Variants in MACROD2 observed in about 807,000 individuals in gnomAD.
The protein encoded by MACROD2 is ADP-ribose glycohydrolase MACROD2.
Under a neutral mutation model 70.4 loss-of-function variants are expected in MACROD2, and 36 were observed. The observed-to-expected ratio is 0.51, with a 90% confidence interval of 0.39 to 0.68. MACROD2 has a LOEUF of 0.68. Ranked by LOEUF, MACROD2 falls within the 30% of genes least tolerant of loss-of-function variation. The probability of loss-of-function intolerance (pLI) is 0.00; values close to 1 mark genes in which losing one functional copy is unlikely to be tolerated. For missense variants in MACROD2, 496 were observed against 538.4 expected (o/e 0.92, Z 0.78); for synonymous variants, 172 against 178.8 (o/e 0.96, Z 0.30).
At chr20:16,038,710 C>A (rs1249675958) in intron 15 of MACROD2, among the ~76,000 whole-genome samples, 1 of 151,912 alleles carries the variant, frequency 6.6e-6, no homozygotes, top group African/African-American at 2.4e-5. Context: ...TATGTCATCT[C>A]TTTTATTCTC....
intron 5 of MACROD2, among the ~76,000 whole-genome samples, chr20:14,981,452 A>ATATGTG (rs1483652688): frequency 7.1e-6 from 1 of 140,176 alleles, no homozygotes; most frequent in African/African-American, 2.6e-5. Context: ...ATATATATAT[A>ATATGTG]TGTGTGTGTG....
In MACROD2 at chr20:15,704,140, GTTTA is replaced by G. The variant is rs145830062; in HGVS notation, c.646-158580_646-158577del. ...GTTTTCCTATTTGAAATGTTTGTTT[GTTTA>G]TTTATTTATTTATTTATTTATTTAA... On this transcript the variant is annotated intron_variant, in intron 8 of 17. Coordinates refer to ENST00000684519, the MANE Select transcript of MACROD2 (RefSeq NM_001351661.2). Among the ~76,000 whole-genome samples the G allele has an allele frequency of 6.9e-3, 1,050 of 151,098 alleles. 7 individuals are homozygous for G. Among genetic ancestry groups the G allele is most frequent in the African/African-American group, 0.02 (820 of 40,980 alleles).
intron 3 of MACROD2, among the ~76,000 whole-genome samples, chr20:14,126,513 G>A (rs1216438418): frequency 1.3e-5 from 2 of 152,060 alleles, no homozygotes; most frequent in African/African-American, 2.4e-5. Flanking sequence ...GTGTGGGTGT[G>A]TGTTTGTTAA....
rs76792590 is a variant in MACROD2 at position 15,357,317 on chromosome 20, A to G, written c.541-74088A>G. On this transcript the variant is annotated intron_variant, in intron 6 of 17. Transcript: ENST00000684519. The stretch of plus-strand genomic sequence containing the variant: ...CTATTTGCTTGACTGTATGCTATAA[A>G]TACAATTAAAAGTTTGTCTTAAAAT... Among the ~76,000 whole-genome samples, 46 of 152,300 alleles carry G rather than the reference A, an allele frequency of 3.0e-4. No homozygotes were observed. The East Asian group carries it at 8.5e-3, about 28-fold the overall frequency.
At chr20:14,350,587 C>A (rs1211869794) in intron 3 of MACROD2, among the ~76,000 whole-genome samples, 1 of 152,048 alleles carries the variant, frequency 6.6e-6, no homozygotes, top group African/African-American at 2.4e-5. Flanking sequence ...ACTATTTTGT[C>A]CATTTTTTGA....
At chr20:15,594,239 C>CT (rs1188241277) in intron 8 of MACROD2, among the ~76,000 whole-genome samples, 1 of 151,654 alleles carries the variant, frequency 6.6e-6, no homozygotes, top group East Asian at 1.9e-4. Flanking sequence ...TTCCTTTTTT[C>CT]TTTTTTCCCT....
At chr20:14,359,821 G>A (rs2083205214) in intron 3 of MACROD2, among the ~76,000 whole-genome samples, 1 of 151,942 alleles carries the variant, frequency 6.6e-6, no homozygotes, top group South Asian at 2.1e-4. Context: ...GAGATTGCAC[G>A]ACTGCACTCC....
At chr20:15,195,805 C>G (rs996516752) in intron 5 of MACROD2, among the ~76,000 whole-genome samples, 6 of 152,110 alleles carry the variant, frequency 3.9e-5, no homozygotes, top group Non-Finnish European at 1.5e-5. Flanking sequence ...TCACTATTCA[C>G]AACAGCAAAG....
chr20:14,008,717 T>C (rs980246237), intron 2 of MACROD2, among the ~76,000 whole-genome samples: 16 of 152,122 alleles, frequency 1.1e-4, no homozygotes, highest in African/African-American at 3.4e-4. Context: ...GACTTCAAAC[T>C]ATACTACAAG....
intron 4 of MACROD2, among the ~76,000 whole-genome samples, chr20:14,582,836 G>T (rs1216736111): frequency 6.6e-6 from 1 of 152,068 alleles, no homozygotes; most frequent in Non-Finnish European, 1.5e-5. Flanking sequence ...GACATTGTTT[G>T]CCATGAGATA....
At chr20:15,427,849 C>T (rs2046318416) in intron 6 of MACROD2, among the ~76,000 whole-genome samples, 1 of 152,118 alleles carries the variant, frequency 6.6e-6, no homozygotes, top group Admixed American at 6.6e-5. Context: ...CAGTGATTCT[C>T]AACAAGGGGT....
intron 5 of MACROD2, among the ~76,000 whole-genome samples, chr20:14,859,652 G>A (rs576602950): frequency 1.3e-5 from 2 of 151,990 alleles, no homozygotes; most frequent in East Asian, 3.9e-4. Context: ...ACTTTATTCT[G>A]CTATTGAGAT....
intron 4 of MACROD2, among the ~76,000 whole-genome samples, chr20:14,608,889 G>C (rs922229097): frequency 2.6e-5 from 4 of 152,096 alleles, no homozygotes; most frequent in African/African-American, 9.7e-5. Flanking sequence ...CAGATCTAAG[G>C]GATGTATTCC....
At chr20:14,083,586 C>G (rs1407304617) in intron 2 of MACROD2, among the ~76,000 whole-genome samples, 1 of 152,108 alleles carries the variant, frequency 6.6e-6, no homozygotes, top group African/African-American at 2.4e-5. Flanking sequence ...TTAACAGAGT[C>G]AGTCTGGTAG....
intron 6 of MACROD2, among the ~76,000 whole-genome samples, chr20:15,272,498 T>C (rs115171258): frequency 0.011 from 1,704 of 152,312 alleles, 32 homozygotes; most frequent in African/African-American, 0.038. Context: ...CAATTATAAG[T>C]AAACTGTTTT....
At chr20:15,492,150 C>A (rs1321579229) in intron 7 of MACROD2, among the ~76,000 whole-genome samples, 3 of 152,152 alleles carry the variant, frequency 2.0e-5, no homozygotes, top group Admixed American at 6.5e-5. Flanking sequence ...CAGCCCTTAG[C>A]CAGAATGGTC....
chr20:15,952,039 T>C (rs2065913157), intron 12 of MACROD2, among the ~76,000 whole-genome samples: 1 of 152,130 alleles, frequency 6.6e-6, no homozygotes, highest in Admixed American at 6.6e-5. Flanking sequence ...GTTCTGGCGA[T>C]AGTGAGTAAG....
At chr20:15,793,641 T>C (rs1428573745) in intron 8 of MACROD2, among the ~76,000 whole-genome samples, 1 of 151,754 alleles carries the variant, frequency 6.6e-6, no homozygotes, top group Non-Finnish European at 1.5e-5. Context: ...TGGTAATTCA[T>C]TTCCTTAAGA....
chr20:14,934,248 G>A (rs1311990576), intron 5 of MACROD2, among the ~76,000 whole-genome samples: 1 of 152,158 alleles, frequency 6.6e-6, no homozygotes, highest in East Asian at 1.9e-4. Context: ...AATTCCTGAT[G>A]AGACAAGATT....
Sources: allele counts gnomAD v4.1 joint callset (sites outside exome capture counted in the v4.1 genomes callset), GRCh38; gene constraint gnomAD v4.1.1; transcripts MANE v1.5; gene names NCBI Gene and HGNC (gene_info 2026-07-23, HGNC 2026-07-21).